ROBO4: variants seen among roughly 807,000 people sequenced by gnomAD.
ROBO4 encodes roundabout guidance receptor 4.
In ROBO4, 80 loss-of-function variants were observed where a neutral mutation model predicts 103.3. The observed-to-expected ratio is 0.77, with a 90% CI of 0.65 to 0.93. ROBO4 has a LOEUF of 0.93. ROBO4 is among the 40% of genes least tolerant of loss of function. The pLI is 0.00. For missense variants in ROBO4, 1,333 were observed against 1,305.3 expected (o/e 1.02, Z -0.33); for synonymous variants, 504 against 529.7 (o/e 0.95, Z 0.67).
Position 124,894,271 on chromosome 11 carries a change from G to C in ROBO4, c.1248C>G (p.Tyr416Ter). ...CAGTGACTGCAGCCACTTGCACGCA[G>C]TAGGAGCCTGGCATATGGGTGGCGA... Reference protein sequence around the residue: ...LEIATHMPGSYCVQVAAVTGA... With the variant: ...LEIATHMPGS Residue 416 changes from tyrosine (Y) to a stop codon, truncating the protein, a stop_gained, in exon 8 of 18, where the codon TAC becomes TAG. Transcript: ENST00000306534. LOFTEE classifies it high-confidence loss of function. 4.3e-6 allele frequency: 7 copies of C among 1,614,118 alleles called. No individual in the cohort carries two copies. The highest frequency in any genetic ancestry group is 4.2e-6 in the Non-Finnish European group (5 of 1,180,016).
chr11:124,897,309 C>T, intron 1 of ROBO4, 48 bp from the exon 2 acceptor site: 1 of 1,321,568 alleles, frequency 7.6e-7, no homozygotes, highest in Non-Finnish European at 1.0e-6. Flanking sequence ...AGCAACACCC[C>T]AAATTCCTGG....
chr11:124,886,518 C>T lies in ROBO4; in HGVS notation c.2740G>A (p.Val914Met), dbSNP rs971468314. The change falls in exon 16 of 18, where the codon GTG becomes ATG. Residue 914 changes from valine to methionine, a missense_variant. Coordinates refer to ENST00000306534, the MANE Select transcript of ROBO4 (RefSeq NM_019055.6). The stretch of plus-strand genomic sequence containing the variant: ...TCTAGACCGAAACCAAAGCTATCCA[C>T]AGCCACTGCCAGGGCCCGGGCAAAG... Reference protein sequence around the residue: ...AHFARALAVAVDSFGFGLEPR... With the variant: ...AHFARALAVAMDSFGFGLEPR... The T allele has an allele frequency of 1.4e-5, 23 of 1,614,102 alleles. No individual in the cohort carries two copies. Among genetic ancestry groups the T allele is most frequent in the Non-Finnish European group, 1.8e-5 (21 of 1,180,040 alleles).
rs571413151 is a variant in ROBO4, at chr11:124,885,557, G to T, written c.2795-310C>A. Among the ~76,000 whole-genome samples, 187 of 149,202 alleles carry T rather than the reference G, an allele frequency of 1.3e-3. 1 individual carries two copies. Among genetic ancestry groups the T allele is most frequent in the African/African-American group, 4.3e-3 (175 of 40,714 alleles). On this transcript the variant is annotated intron_variant, in intron 16 of 17. Coordinates refer to ENST00000306534, the MANE Select transcript of ROBO4 (RefSeq NM_019055.6). ...GGCACTTCTGTCCTGGATAATCCTT[G>T]CCCTCCCATTTACCACAAGCCTGTT...
In ROBO4 at chr11:124,894,189, C is replaced by A; in HGVS notation, c.1318+12G>T. On this transcript the variant is annotated intron_variant, in intron 8 of 17. Transcript: ENST00000306534. ...CTGAAGGGTAGGGTGGGTCTGTGGG[C>A]ACTGCCCTCACCTAAAAGGAGGCAG... 6.2e-7 allele frequency: 1 copy of A among 1,603,194 alleles called. No individual in the cohort carries two copies. The highest frequency in any genetic ancestry group is 8.5e-7 in the Non-Finnish European group (1 of 1,173,668).
In ROBO4 at chr11:124,895,802, C is replaced by G; in HGVS notation, c.790G>C (p.Val264Leu). The change falls in exon 5 of 18, where the codon GTG becomes CTG. Residue 264 changes from valine to leucine, a missense_variant. Val to Leu is a conservative substitution (Grantham distance 32). Transcript: ENST00000306534. ...PAEGPKPRPA[V>L]WLSWKVSGPA... ...GTCCTCACCTTCCAGCTGAGCCACA[C>G]CGCCGGTCTAGGCTTGGGGCCCTCT... 6.2e-7 allele frequency: 1 copy of G among 1,614,190 alleles called. No homozygotes were observed. Among genetic ancestry groups the G allele is most frequent in the Non-Finnish European group, 8.5e-7 (1 of 1,180,036 alleles).
intron 9 of ROBO4, 48 bp from the exon 10 acceptor site, chr11:124,893,778 G>A: frequency 1.2e-6 from 2 of 1,610,778 alleles, no homozygotes; most frequent in South Asian, 1.1e-5. Context: ...GGATCACCTG[G>A]TCAGAGATCC....
intron 10 of ROBO4, among the ~76,000 whole-genome samples, chr11:124,893,385 G>A (rs896979858): frequency 3.3e-5 from 5 of 152,232 alleles, no homozygotes; most frequent in Admixed American, 2.6e-4. Context: ...AGACATTTGA[G>A]GTGGTCGTCT....
rs1034296887 is a variant in ROBO4, at chr11:124,896,393, C to T, written c.559-75G>A. ...GAGCTGGGGGGAAGTTTGAGGCCCCCTGCTCTCCCCTCCTCAAATTCTACC... is the reference window on the plus strand; with the variant it reads ...GAGCTGGGGGGAAGTTTGAGGCCCCTTGCTCTCCCCTCCTCAAATTCTACC... On this transcript the variant is annotated intron_variant, in intron 3 of 17. Transcript: ENST00000306534. The T allele has an allele frequency of 3.8e-5, 60 of 1,597,618 alleles. No homozygotes were observed. In the South Asian group the frequency reaches 5.6e-4, roughly 15 times the overall value.
Position 124,897,210 on chromosome 11 carries a change from T to A in ROBO4, c.122A>T (p.Gln41Leu). Residue 41 changes from glutamine to leucine, a missense_variant, in exon 2 of 18, where the codon CAG (glutamine) becomes CTG (leucine). By Grantham distance (113) the Gln-to-Leu change is moderately radical. Coordinates refer to ENST00000306534, the MANE Select transcript of ROBO4 (RefSeq NM_019055.6). ...GGCAGGGCCAGGGCCCTGGAACAGC[T>A]GGTCCTGGGGGTGGACTAGGATCTG... is the stretch of plus-strand genomic sequence containing the variant. Reference protein sequence around the residue: ...PPQILVHPQDQLFQGPGPARM... With the variant: ...PPQILVHPQDLLFQGPGPARM... The A allele has an allele frequency of 6.7e-7, 1 of 1,492,166 alleles. No homozygotes were observed. The highest frequency in any genetic ancestry group is 8.9e-7 in the Non-Finnish European group (1 of 1,120,928). The allele number at this position is 1,492,166 out of a possible 1,614,324, so 92.4% of individuals were successfully genotyped here.
rs1946671593 is a variant in ROBO4, at chr11:124,883,920, A to G, written c.*971T>C. On this transcript the variant is annotated 3_prime_UTR_variant, in exon 18 of 18. Transcript: ENST00000306534. ...TCCCCACAGCCAATCACCCTTCCCC[A>G]TGCCTTAGACCATCCCACTTCCCTC... 1 of 152,010 alleles carries G rather than the reference A, an allele frequency of 6.6e-6. No homozygotes were observed. Among genetic ancestry groups the G allele is most frequent in the Non-Finnish European group, 1.5e-5 (1 of 68,006 alleles). The allele number at this position is 152,010 out of a possible 1,614,324, so 9.4% of individuals were successfully genotyped here.
intron 12 of ROBO4, 97 bp from the exon 13 acceptor site, chr11:124,887,937 G>A (rs574752013): frequency 2.8e-5 from 27 of 950,892 alleles, no homozygotes; most frequent in African/African-American, 2.1e-4. Context: ...CAGCCTGCAC[G>A]ACCCTGAACC....
chr11:124,897,632 A>G, intron 1 of ROBO4, 94 bp downstream of exon 1: 1 of 1,064,150 alleles, frequency 9.4e-7, no homozygotes, highest in Non-Finnish European at 1.5e-6. Flanking sequence ...TGGTCCCCCC[A>G]CTGCAAAAGG....
intron 16 of ROBO4, among the ~76,000 whole-genome samples, chr11:124,885,876 C>G (rs554569418): frequency 9.9e-5 from 15 of 152,234 alleles, no homozygotes; most frequent in African/African-American, 3.6e-4. Flanking sequence ...AATGGACCTA[C>G]AGTTGGCTGC....
At chr11:124,893,422 G>A (rs1341029863) in intron 10 of ROBO4, among the ~76,000 whole-genome samples, 2 of 152,332 alleles carry the variant, frequency 1.3e-5, no homozygotes, top group East Asian at 1.9e-4. Flanking sequence ...CACCTAGCGG[G>A]TGAGGCAGCA....
At chr11:124,887,657 G>T in intron 13 of ROBO4, 76 bp downstream of exon 13, 1 of 1,538,082 alleles carries the variant, frequency 6.5e-7, no homozygotes, top group African/African-American at 1.4e-5. Context: ...CCGTGGGAGG[G>T]CCCTGGGCTG....
chr11:124,889,266 T>A (rs1170433774), intron 12 of ROBO4, among the ~76,000 whole-genome samples: 1 of 152,228 alleles, frequency 6.6e-6, no homozygotes, highest in Non-Finnish European at 1.5e-5. Flanking sequence ...AACTCTGCTA[T>A]CATCAGCTAT....
At chr11:124,896,451 A>G in intron 3 of ROBO4, 62 bp downstream of exon 3, 4 of 1,597,130 alleles carry the variant, frequency 2.5e-6, no homozygotes, top group Non-Finnish European at 2.6e-6. Context: ...AGGTCAGTCC[A>G]TCAGGGTGTA....
intron 12 of ROBO4, among the ~76,000 whole-genome samples, chr11:124,890,410 G>A (rs541093489): frequency 6.6e-6 from 1 of 152,332 alleles, no homozygotes; most frequent in South Asian, 2.1e-4. Flanking sequence ...TAGATTGCAG[G>A]CCAATGTTCT....
At position 124,891,456 on chromosome 11, in the gene ROBO4, T is replaced by G; in HGVS notation, c.1791A>C (p.Pro597=). The G allele has an allele frequency of 1.2e-6, 2 of 1,607,066 alleles. No individual in the cohort carries two copies. Among genetic ancestry groups the G allele is most frequent in the South Asian group, 2.2e-5 (2 of 89,832 alleles). Reference sequence around the variant, plus strand: ...GCCTGACAGCTGGGACCTGGGGACTTGGCCTGGCTGGGGTACTGGAGGGCA... The same window carrying G: ...GCCTGACAGCTGGGACCTGGGGACTGGGCCTGGCTGGGGTACTGGAGGGCA... ...AELPSSTPAR[P]SPQVPAVRRL... is the part of the protein sequence containing the mutation. Residue 597 remains proline (P), a synonymous_variant, in exon 12 of 18, where the codon CCA becomes CCC. Coordinates refer to ENST00000306534, the MANE Select transcript of ROBO4 (RefSeq NM_019055.6).
Sources: gnomAD v4.1 joint callset for allele counts (sites outside exome capture counted in the v4.1 genomes callset) on GRCh38, gnomAD v4.1.1 for gene constraint, MANE v1.5 for transcripts, NCBI Gene and HGNC (gene_info 2026-07-23, HGNC 2026-07-21) for gene names.